Variants in RNLS observed in about 807,000 individuals in gnomAD.
The protein encoded by RNLS is renalase, FAD dependent amine oxidase.
In RNLS, 39 loss-of-function variants were observed where a neutral mutation model predicts 39.8. The ratio of observed to expected loss-of-function variants is 0.98; its 90% confidence interval spans 0.76 to 1.28. The LOEUF (loss-of-function observed/expected upper bound fraction) is 1.28. Ranked by LOEUF, RNLS falls within the 50% of genes most tolerant of loss-of-function variation. RNLS has a pLI of 0.00. For missense variants in RNLS, 410 were observed against 413.3 expected (o/e 0.99, Z 0.07); for synonymous variants, 147 against 150.7 (o/e 0.98, Z 0.18).
chr10:88,325,944 ACT>A (rs1463248280), intron 5 of RNLS, among the ~76,000 whole-genome samples: 1 of 151,342 alleles, frequency 6.6e-6, no homozygotes, highest in Non-Finnish European at 1.5e-5. Flanking sequence ...TTCGCTCCTC[ACT>A]CTTTTCTCTG....
intron 4 of RNLS, among the ~76,000 whole-genome samples, chr10:88,482,527 TGAGA>T (rs1844249631): frequency 6.6e-6 from 1 of 152,140 alleles, no homozygotes; most frequent in Non-Finnish European, 1.5e-5. Context: ...ATCCCCTCAT[TGAGA>T]TTTATTACTT....
chr10:88,208,412 T>A, the RNLS span, among the ~76,000 whole-genome samples: 3 of 152,062 alleles, frequency 2.0e-5, no homozygotes, highest in African/African-American at 7.2e-5. Context: ...TATGGAAGAT[T>A]AAATGAAAAT....
intron 4 of RNLS, among the ~76,000 whole-genome samples, chr10:88,560,197 T>C (rs529312559): frequency 1.3e-5 from 2 of 152,216 alleles, no homozygotes; most frequent in South Asian, 4.1e-4. Flanking sequence ...CAAATCTGCT[T>C]GATGGTTATT....
intron 4 of RNLS, among the ~76,000 whole-genome samples, chr10:88,486,275 C>T (rs1844511928): frequency 6.6e-6 from 1 of 151,756 alleles, no homozygotes; most frequent in South Asian, 2.1e-4. Flanking sequence ...ACCTGGAAGA[C>T]AACATAGGCA....
the RNLS span, among the ~76,000 whole-genome samples, chr10:88,231,875 T>C: frequency 6.6e-6 from 1 of 151,942 alleles, no homozygotes; most frequent in Non-Finnish European, 1.5e-5. Context: ...AAAAATTGGA[T>C]GTATTTGGGC....
intron 5 of RNLS, among the ~76,000 whole-genome samples, chr10:88,332,935 G>C (rs1407021458): frequency 6.6e-6 from 1 of 152,098 alleles, no homozygotes; most frequent in Non-Finnish European, 1.5e-5. Context: ...GATTCATTTA[G>C]CATAAGCAAC....
the RNLS span, among the ~76,000 whole-genome samples, chr10:88,234,990 G>A: frequency 1.1e-4 from 17 of 152,152 alleles, no homozygotes; most frequent in Middle Eastern, 3.4e-3. Context: ...GGCCGGGCGC[G>A]GTGGCTCAAG....
the RNLS span, among the ~76,000 whole-genome samples, chr10:88,215,656 T>A: frequency 2.0e-5 from 3 of 151,952 alleles, no homozygotes; most frequent in African/African-American, 4.8e-5. Context: ...GACCATTCAT[T>A]ATCTGTTAGC....
intron 4 of RNLS, among the ~76,000 whole-genome samples, chr10:88,471,789 T>A (rs934906076): frequency 1.1e-4 from 16 of 152,138 alleles, no homozygotes; most frequent in African/African-American, 3.9e-4. Context: ...TGGGGATGTG[T>A]CTAATTCTCC....
the RNLS span, among the ~76,000 whole-genome samples, chr10:88,230,357 C>T: frequency 2.0e-5 from 3 of 152,084 alleles, no homozygotes; most frequent in Admixed American, 6.6e-5. Context: ...AACTGGTGGC[C>T]GAGCTTGTCT....
the RNLS span, among the ~76,000 whole-genome samples, chr10:88,245,598 T>A: frequency 6.6e-6 from 1 of 152,338 alleles, no homozygotes; most frequent in Non-Finnish European, 1.5e-5. Context: ...CTGGGCTAGT[T>A]GTGTGTTATT....
At chr10:88,420,059 TG>T (rs1475864806) in intron 4 of RNLS, among the ~76,000 whole-genome samples, 1 of 40,564 alleles carries the variant, frequency 2.5e-5, no homozygotes. Flanking sequence ...AATAAATAAA[TG>T]AATGAATAAA....
chr10:88,341,774 A>C (rs2133225457), intron 5 of RNLS, among the ~76,000 whole-genome samples: 1 of 152,312 alleles, frequency 6.6e-6, no homozygotes. Context: ...TAAATGTACT[A>C]AATTGTAAAA....
chr10:88,327,343 G>A (rs780803580), intron 5 of RNLS, among the ~76,000 whole-genome samples: 12 of 152,174 alleles, frequency 7.9e-5, no homozygotes, highest in Non-Finnish European at 1.5e-4. Flanking sequence ...ACTGATGTGA[G>A]GTGATTGGAT....
intron 4 of RNLS, among the ~76,000 whole-genome samples, chr10:88,364,968 AT>A (rs1299389221): frequency 2.0e-5 from 3 of 152,018 alleles, no homozygotes; most frequent in Non-Finnish European, 2.9e-5. Flanking sequence ...TAAAACTTTT[AT>A]TTTTTTTAAC....
At chr10:88,450,498 A>G (rs1842302466) in intron 4 of RNLS, among the ~76,000 whole-genome samples, 2 of 152,188 alleles carry the variant, frequency 1.3e-5, no homozygotes, top group South Asian at 2.1e-4. Flanking sequence ...CCTTTATGGA[A>G]GGTCCATAAG....
At chr10:88,244,322 G>A in the RNLS span, among the ~76,000 whole-genome samples, 1 of 152,216 alleles carries the variant, frequency 6.6e-6, no homozygotes, top group African/African-American at 2.4e-5. Flanking sequence ...ACCATGTTCT[G>A]TCTTGTCAGC....
intron 4 of RNLS, among the ~76,000 whole-genome samples, chr10:88,438,099 C>T (rs978917129): frequency 6.8e-6 from 1 of 146,668 alleles, no homozygotes; most frequent in African/African-American, 2.6e-5. Flanking sequence ...GCACTCCAGC[C>T]TGGGCAACAA....
At chr10:88,428,473 G>A (rs974241665) in intron 4 of RNLS, among the ~76,000 whole-genome samples, 4 of 151,988 alleles carry the variant, frequency 2.6e-5, no homozygotes, top group East Asian at 1.9e-4. Context: ...GAGCACAACC[G>A]AAGACTAATC....
Sources: gnomAD v4.1 joint callset for allele counts (sites outside exome capture counted in the v4.1 genomes callset) on GRCh38, gnomAD v4.1.1 for gene constraint, MANE v1.5 for transcripts, NCBI Gene and HGNC (gene_info 2026-07-23, HGNC 2026-07-21) for gene names.